AGAP1: variants seen among roughly 807,000 people sequenced by gnomAD.
AGAP1 encodes ArfGAP with GTPase domain, ankyrin repeat and PH domain 1.
A neutral mutation model predicts 105.3 loss-of-function variants in AGAP1; 29 were observed. The observed-to-expected ratio is 0.28, with a 90% confidence interval of 0.21 to 0.38. AGAP1 has a LOEUF of 0.38. AGAP1 is among the 10% of genes least tolerant of loss of function. The pLI, the probability that AGAP1 is intolerant of heterozygous loss-of-function variation, is 1.00. For missense variants in AGAP1, 998 were observed against 1,165.1 expected (o/e 0.86, Z 2.09); for synonymous variants, 509 against 485.9 (o/e 1.05, Z -0.63).
intron 1 of AGAP1, chr2:235,524,549 A>AC (rs1020850745): frequency 3.9e-6 from 1 of 253,276 alleles, no homozygotes; most frequent in African/African-American, 2.3e-5. Flanking sequence ...GGTAAGTATA[A>AC]CCCCCACCCC....
intron 1 of AGAP1, among the ~76,000 whole-genome samples, chr2:235,590,518 A>G (rs2149210473): frequency 6.6e-6 from 1 of 152,202 alleles, no homozygotes; most frequent in South Asian, 2.1e-4. Flanking sequence ...CCATGCCCAG[A>G]GACAGGGCTT....
At chr2:235,715,338 G>A (rs1328530158) in intron 2 of AGAP1, among the ~76,000 whole-genome samples, 1 of 152,142 alleles carries the variant, frequency 6.6e-6, no homozygotes, top group East Asian at 1.9e-4. Flanking sequence ...CAGAGATCTT[G>A]GCCCTCGGGG....
At chr2:235,940,505 C>G (rs766473539) in intron 12 of AGAP1, among the ~76,000 whole-genome samples, 2 of 152,194 alleles carry the variant, frequency 1.3e-5, no homozygotes, top group Non-Finnish European at 2.9e-5. Context: ...TTGCTGAGAT[C>G]TGGGATGAGT....
chr2:235,592,029 A>AT (rs1945358523), intron 1 of AGAP1, among the ~76,000 whole-genome samples: 1 of 152,210 alleles, frequency 6.6e-6, no homozygotes, highest in African/African-American at 2.4e-5. Context: ...TTCTTTATAA[A>AT]TTACCCAGCC....
At chr2:235,707,369 A>G (rs1257121542) in intron 1 of AGAP1, among the ~76,000 whole-genome samples, 1 of 149,182 alleles carries the variant, frequency 6.7e-6, no homozygotes, top group Non-Finnish European at 1.5e-5. Flanking sequence ...TGGAGCAGGG[A>G]GTGTTCCTCT....
At chr2:236,074,540 G>A (rs759236406) in intron 16 of AGAP1, among the ~76,000 whole-genome samples, 12 of 152,122 alleles carry the variant, frequency 7.9e-5, no homozygotes, top group Admixed American at 5.2e-4. Flanking sequence ...GCTCTTACGA[G>A]ATAATAGTCT....
intron 1 of AGAP1, among the ~76,000 whole-genome samples, chr2:235,632,316 A>T (rs918348677): frequency 6.6e-6 from 1 of 152,116 alleles, no homozygotes; most frequent in African/African-American, 2.4e-5. Flanking sequence ...TCAGTTTCTG[A>T]GCTTCAGAGC....
rs1259570323 is a variant in AGAP1 at position 236,125,981 on chromosome 2, C to G, written c.*1859C>G. Reference sequence around the variant, plus strand: ...GGCAGCCTCCGGGGTGTTCCTCGCTCTCTCGTATGTTAAACCTTATATTTT... The same window carrying G: ...GGCAGCCTCCGGGGTGTTCCTCGCTGTCTCGTATGTTAAACCTTATATTTT... On this transcript the variant is annotated 3_prime_UTR_variant, in exon 18 of 18. Coordinates refer to ENST00000304032, the MANE Select transcript of AGAP1 (RefSeq NM_001037131.3). This position sits in a 1 kb window ranked among gnomAD's most constrained non-coding sequence, Gnocchi z 5.2. 1 of 114,162 alleles carries G rather than the reference C, an allele frequency of 8.8e-6. No individual in the cohort carries two copies. Among genetic ancestry groups the G allele is most frequent in the African/African-American group, 3.7e-5 (1 of 26,798 alleles). The allele number at this position is 114,162 out of a possible 1,614,324, so 7.1% of individuals were successfully genotyped here.
chr2:235,775,265 T>C (rs1415232819), intron 6 of AGAP1, among the ~76,000 whole-genome samples: 1 of 152,180 alleles, frequency 6.6e-6, no homozygotes, highest in Non-Finnish European at 1.5e-5. Flanking sequence ...TCATGGGGTG[T>C]GTCACCCTCA....
intron 1 of AGAP1, among the ~76,000 whole-genome samples, chr2:235,654,826 C>T (rs957151303): frequency 6.6e-6 from 1 of 152,068 alleles, no homozygotes; most frequent in African/African-American, 2.4e-5. Context: ...CAAGTGGTCT[C>T]AAGAAAATTG....
chr2:235,709,084 G>T lies in AGAP1; in HGVS notation c.164-95G>T. ...GGGAGGCTTGTCTGCACCATCTTCA[G>T]TGACCTTCGGATGTGAAAATGGCCC... On this transcript the variant is annotated intron_variant, in intron 1 of 17. Coordinates refer to ENST00000304032, the MANE Select transcript of AGAP1 (RefSeq NM_001037131.3). The T allele has an allele frequency of 3.2e-6, 4 of 1,247,352 alleles. 1 individual carries two copies. Among genetic ancestry groups the T allele is most frequent in the South Asian group, 2.4e-5 (2 of 83,004 alleles). 77.3% of individuals were successfully genotyped at this position (1,247,352 alleles called of 1,614,324 possible).
chr2:236,116,512 C>G (rs2059775012), intron 16 of AGAP1, among the ~76,000 whole-genome samples: 1 of 151,904 alleles, frequency 6.6e-6, no homozygotes, highest in African/African-American at 2.4e-5. Context: ...ACCACACCGG[C>G]TAATTTTTGT....
At chr2:235,854,512 C>T (rs1472218659) in intron 9 of AGAP1, among the ~76,000 whole-genome samples, 4 of 152,198 alleles carry the variant, frequency 2.6e-5, no homozygotes, top group Admixed American at 1.3e-4. Context: ...TGCCTCATTC[C>T]AGCCTCAGCT....
intron 1 of AGAP1, 43 bp from the exon 2 acceptor site, chr2:235,709,136 A>G (rs1243733834): frequency 6.2e-7 from 1 of 1,605,708 alleles, no homozygotes; most frequent in African/African-American, 1.3e-5. Flanking sequence ...CTTGGCCTTT[A>G]CGTGAGTTAT....
chr2:235,672,628 G>A (rs1559332920), intron 1 of AGAP1, among the ~76,000 whole-genome samples: 3 of 152,322 alleles, frequency 2.0e-5, no homozygotes, highest in East Asian at 3.9e-4. Flanking sequence ...AGGAAGTTAA[G>A]ACCTGAAGGT....
In AGAP1 at chr2:236,100,719, A is replaced by G. The variant is rs540032472; in HGVS notation, c.2115-19473A>G. On this transcript the variant is annotated intron_variant, in intron 16 of 17. Coordinates refer to ENST00000304032, the MANE Select transcript of AGAP1 (RefSeq NM_001037131.3). ...GTGGTGCACACCCATTGTCCCAACT[A>G]CTTGGGAGGCTGAGGCAGGAGAATC... 2.0e-5 allele frequency among the ~76,000 whole-genome samples: 3 copies of G among 152,050 alleles called. No individual in the cohort carries two copies. The South Asian group carries it at 6.2e-4, about 32-fold the overall frequency.
chr2:235,643,591 G>A (rs765629047), intron 1 of AGAP1, among the ~76,000 whole-genome samples: 4 of 151,960 alleles, frequency 2.6e-5, no homozygotes, highest in Non-Finnish European at 5.9e-5. Flanking sequence ...TTGACAGAAA[G>A]GGATAGATCT....
At position 235,961,005 on chromosome 2, in the gene AGAP1, GGTTA is replaced by G. The variant is rs2054161894; in HGVS notation, c.1484-7453_1484-7450del. On this transcript the variant is annotated intron_variant, in intron 12 of 17. Transcript: ENST00000304032. This position sits in a 1 kb window ranked among gnomAD's most constrained non-coding sequence, Gnocchi z 5.9. ...CCCGCGCAAGTGTCTGTCACACAGAGGTTAGTTCTTTCATAAAACTTTATTACGT... is the reference window on the plus strand; with the variant it reads ...CCCGCGCAAGTGTCTGTCACACAGAGGTTCTTTCATAAAACTTTATTACGT... Among the ~76,000 whole-genome samples, 1 of 152,220 alleles carries G rather than the reference GGTTA, an allele frequency of 6.6e-6. No homozygotes were observed. The highest frequency in any genetic ancestry group is 1.5e-5 in the Non-Finnish European group (1 of 68,036).
intron 1 of AGAP1, among the ~76,000 whole-genome samples, chr2:235,504,804 T>C (rs1389182217): frequency 6.6e-6 from 1 of 152,230 alleles, no homozygotes; most frequent in African/African-American, 2.4e-5. Flanking sequence ...AGTTGTTTGT[T>C]CATAAACAAA....
Sources: allele counts gnomAD v4.1 joint callset (sites outside exome capture counted in the v4.1 genomes callset), GRCh38; gene constraint gnomAD v4.1.1; non-coding constraint Gnocchi (gnomAD v3.1); transcripts MANE v1.5; gene names NCBI Gene and HGNC (gene_info 2026-07-23, HGNC 2026-07-21).